The following LRFN5 variants were observed in gnomAD, a reference collection of about 807,000 sequenced individuals.
LRFN5 encodes the protein leucine-rich repeat and fibronectin type-III domain-containing protein 5.
In LRFN5, 24 loss-of-function variants were observed where a neutral mutation model predicts 45.6. That is an observed-to-expected ratio of 0.53 (90% CI 0.38 to 0.74). The LOEUF (loss-of-function observed/expected upper bound fraction) is 0.74, where lower values mean the gene tolerates loss of function less well. Among genes scored for constraint, LRFN5 ranks in the 30% least tolerant of loss-of-function variants. The probability of loss-of-function intolerance (pLI) is 0.00; values close to 1 mark genes in which losing one functional copy is unlikely to be tolerated. For synonymous variants in LRFN5, 340 were observed against 313.8 expected, an observed-to-expected ratio of 1.08 and a Z score of -0.88; for missense variants, 776 against 861.5, an observed-to-expected ratio of 0.90 and a Z score of 1.24.
At chr14:41,736,122 G>A (rs893967331) in intron 1 of LRFN5, among the ~76,000 whole-genome samples, 11 of 152,128 alleles carry the variant, frequency 7.2e-5, no homozygotes, top group African/African-American at 2.7e-4. Context: ...TATATACCCA[G>A]CAATGGGATC....
chr14:41,734,326 A>ATATG (rs1465947561), intron 1 of LRFN5, among the ~76,000 whole-genome samples: 5 of 97,708 alleles, frequency 5.1e-5, no homozygotes, highest in Admixed American at 1.1e-4. Flanking sequence ...TTATATATAT[A>ATATG]TATATATATA....
At chr14:41,850,122 A>G (rs1009136063) in intron 2 of LRFN5, among the ~76,000 whole-genome samples, 3 of 151,954 alleles carry the variant, frequency 2.0e-5, no homozygotes, top group Non-Finnish European at 4.4e-5. Context: ...ATAATATAGT[A>G]CATGCATGTA....
chr14:41,875,907 A>G (rs1022156212), intron 2 of LRFN5, among the ~76,000 whole-genome samples: 1 of 152,178 alleles, frequency 6.6e-6, no homozygotes, highest in Non-Finnish European at 1.5e-5. Context: ...TCAGGTTCCC[A>G]CTATAGGCCA....
At chr14:41,674,945 C>T (rs1049078405) in intron 1 of LRFN5, among the ~76,000 whole-genome samples, 2 of 151,392 alleles carry the variant, frequency 1.3e-5, no homozygotes, top group South Asian at 2.1e-4. Context: ...CGGGTAGAGG[C>T]GCTCCTCACA....
At chr14:41,772,801 A>G (rs537782085) in intron 2 of LRFN5, among the ~76,000 whole-genome samples, 1 of 152,260 alleles carries the variant, frequency 6.6e-6, no homozygotes, top group South Asian at 2.1e-4. Flanking sequence ...TCATTTTGTC[A>G]TCTTTCTCAA....
intron 2 of LRFN5, among the ~76,000 whole-genome samples, chr14:41,846,585 A>C (rs933349643): frequency 6.6e-6 from 1 of 152,126 alleles, no homozygotes; most frequent in African/African-American, 2.4e-5. Context: ...CTTAATCTGG[A>C]TGCTAGTTAT....
At chr14:41,749,726 G>T (rs1885053918) in intron 1 of LRFN5, among the ~76,000 whole-genome samples, 1 of 152,072 alleles carries the variant, frequency 6.6e-6, no homozygotes, top group Non-Finnish European at 1.5e-5. Flanking sequence ...TAATACCTGG[G>T]TGATGAAATA....
intron 1 of LRFN5, among the ~76,000 whole-genome samples, chr14:41,661,158 G>A (rs1317167662): frequency 6.6e-6 from 1 of 151,406 alleles, no homozygotes; most frequent in African/African-American, 2.4e-5. Context: ...TAGACAACTT[G>A]TTTCTAATCC....
At chr14:41,763,549 G>T (rs1005171993) in intron 1 of LRFN5, among the ~76,000 whole-genome samples, 1 of 152,126 alleles carries the variant, frequency 6.6e-6, no homozygotes, top group Admixed American at 6.6e-5. Context: ...CTTCAGTAAT[G>T]CCCATGTGTC....
intron 1 of LRFN5, among the ~76,000 whole-genome samples, chr14:41,727,681 G>T (rs1319719241): frequency 6.6e-6 from 1 of 151,884 alleles, no homozygotes; most frequent in Non-Finnish European, 1.5e-5. Context: ...TCATCAAGCA[G>T]CATGTATAAT....
At chr14:41,654,205 A>C (rs1232358053) in intron 1 of LRFN5, among the ~76,000 whole-genome samples, 1 of 151,780 alleles carries the variant, frequency 6.6e-6, no homozygotes, top group Non-Finnish European at 1.5e-5. Flanking sequence ...AATAATAATA[A>C]AAAAAAAGAA....
intron 1 of LRFN5, chr14:41,733,626 A>G (rs1484333560): frequency 6.6e-6 from 1 of 152,100 alleles, no homozygotes; most frequent in Non-Finnish European, 1.5e-5. Flanking sequence ...TAAAGATCTC[A>G]GTAAAGGTAA....
chr14:41,836,416 G>C (rs1888664120), intron 2 of LRFN5, among the ~76,000 whole-genome samples: 1 of 152,112 alleles, frequency 6.6e-6, no homozygotes, highest in African/African-American at 2.4e-5. Context: ...CATATAAGTA[G>C]ACATGTGTAT....
At chr14:41,819,959 G>T (rs201166388) in intron 2 of LRFN5, among the ~76,000 whole-genome samples, 3 of 147,864 alleles carry the variant, frequency 2.0e-5, no homozygotes, top group Admixed American at 6.7e-5. Context: ...AGGGTTATTT[G>T]TTTTTTTTTT....
At chr14:41,803,780 C>A (rs919666178) in intron 2 of LRFN5, among the ~76,000 whole-genome samples, 2 of 152,110 alleles carry the variant, frequency 1.3e-5, no homozygotes, top group African/African-American at 4.8e-5. Flanking sequence ...CCAGATAGAG[C>A]TGATTTATCA....
At chr14:41,862,042 A>C (rs1451855384) in intron 2 of LRFN5, among the ~76,000 whole-genome samples, 1 of 152,108 alleles carries the variant, frequency 6.6e-6, no homozygotes, top group Admixed American at 6.6e-5. Flanking sequence ...CCCTCCGCCT[A>C]CTTCACTCAC....
intron 1 of LRFN5, among the ~76,000 whole-genome samples, chr14:41,612,371 C>T (rs1166368302): frequency 1.3e-5 from 2 of 152,044 alleles, no homozygotes; most frequent in Admixed American, 1.3e-4. Context: ...AACTGGCTAA[C>T]CTATTAGCTT....
chr14:41,615,780 T>C (rs1360585752), intron 1 of LRFN5, among the ~76,000 whole-genome samples: 1 of 152,128 alleles, frequency 6.6e-6, no homozygotes, highest in Non-Finnish European at 1.5e-5. Flanking sequence ...ACCTCTTTTT[T>C]AAAAAAATAA....
intron 2 of LRFN5, among the ~76,000 whole-genome samples, chr14:41,856,675 A>ATTAT: frequency 1.1e-4 from 2 of 18,336 alleles, no homozygotes; most frequent in African/African-American, 2.6e-4. Context: ...TATTATTATT[A>ATTAT]TTTTTTTTTT....
Sources: allele counts gnomAD v4.1 joint callset (sites outside exome capture counted in the v4.1 genomes callset), GRCh38; gene constraint gnomAD v4.1.1; transcripts MANE v1.5; gene names NCBI Gene and HGNC (gene_info 2026-07-23, HGNC 2026-07-21).